CPQ: variants seen among roughly 807,000 people sequenced by gnomAD.
The protein encoded by CPQ is Ser-Met dipeptidase.
Under a neutral mutation model 45.7 loss-of-function variants are expected in CPQ, and 37 were observed. That is an observed-to-expected ratio of 0.81 (90% CI 0.62 to 1.07). The LOEUF (loss-of-function observed/expected upper bound fraction) is 1.07, where lower values mean the gene tolerates loss of function less well. CPQ is among the 50% of genes least tolerant of loss of function. The pLI is 0.00. For synonymous variants in CPQ, 186 were observed against 205.8 expected (o/e 0.90, Z 0.82); for missense variants, 537 against 572.9 (o/e 0.94, Z 0.64).
chr8:96,945,564 G>A (rs1563535392), intron 4 of CPQ, among the ~76,000 whole-genome samples: 1 of 151,994 alleles, frequency 6.6e-6, no homozygotes, highest in East Asian at 1.9e-4. Context: ...TGATTGAGCT[G>A]TTTTTTCTTT....
At chr8:97,064,425 A>AT in intron 6 of CPQ, among the ~76,000 whole-genome samples, 3 of 152,286 alleles carry the variant, frequency 2.0e-5, no homozygotes, top group Middle Eastern at 6.8e-3. Flanking sequence ...ATTAACTCTA[A>AT]TGATGCTACC....
intron 5 of CPQ, among the ~76,000 whole-genome samples, chr8:97,025,271 TCTC>T (rs1287104491): frequency 6.6e-6 from 1 of 152,162 alleles, no homozygotes; most frequent in Non-Finnish European, 1.5e-5. Flanking sequence ...TTATTATTAC[TCTC>T]CTCAATGAAA....
At chr8:96,857,517 CAAAATGA>C (rs953975336) in intron 3 of CPQ, among the ~76,000 whole-genome samples, 13 of 152,104 alleles carry the variant, frequency 8.5e-5, no homozygotes, top group African/African-American at 2.9e-4. Context: ...GGTCAGCTAT[CAAAATGA>C]AAAATGAAAA....
chr8:97,070,281 C>T (rs1394678470), intron 7 of CPQ, among the ~76,000 whole-genome samples: 1 of 152,108 alleles, frequency 6.6e-6, no homozygotes, highest in Admixed American at 6.6e-5. Flanking sequence ...TTCTAACGCG[C>T]TTCAAGTCTT....
intron 1 of CPQ, among the ~76,000 whole-genome samples, chr8:96,769,681 G>C (rs1810515326): frequency 6.7e-6 from 1 of 148,150 alleles, no homozygotes; most frequent in Admixed American, 6.8e-5. Flanking sequence ...GCCCATGGTG[G>C]AATGCAGTGG....
chr8:96,904,320 T>C (rs939111148), intron 4 of CPQ, among the ~76,000 whole-genome samples: 1 of 152,234 alleles, frequency 6.6e-6, no homozygotes, highest in Admixed American at 6.5e-5. Flanking sequence ...GATCCACAGA[T>C]AGAGAATACA....
chr8:97,124,286 A>AT (rs1337893329), intron 7 of CPQ, among the ~76,000 whole-genome samples: 1 of 151,826 alleles, frequency 6.6e-6, no homozygotes, highest in Non-Finnish European at 1.5e-5. Flanking sequence ...TGAAAACTAC[A>AT]TGAAGAAAAA....
intron 4 of CPQ, among the ~76,000 whole-genome samples, chr8:96,887,643 C>A (rs540415753): frequency 1.3e-5 from 2 of 152,228 alleles, no homozygotes; most frequent in East Asian, 3.9e-4. Flanking sequence ...TGGGGCTGGC[C>A]CATTTCTTTT....
At chr8:96,759,181 G>A (rs1047648954) in intron 1 of CPQ, among the ~76,000 whole-genome samples, 12 of 152,120 alleles carry the variant, frequency 7.9e-5, no homozygotes, top group Non-Finnish European at 4.4e-5. Context: ...GGCTCTGCAG[G>A]ATGGGTTTGT....
chr8:97,056,101 A>AACACACACACACAC (rs34266303), intron 6 of CPQ, among the ~76,000 whole-genome samples: 1 of 146,338 alleles, frequency 6.8e-6, no homozygotes. Flanking sequence ...CCTATCTCAA[A>AACACACACACACAC]ACACACACAC....
At chr8:96,757,176 C>T (rs1810336759) in intron 1 of CPQ, among the ~76,000 whole-genome samples, 1 of 151,792 alleles carries the variant, frequency 6.6e-6, no homozygotes, top group African/African-American at 2.4e-5. Flanking sequence ...GGTGAAACCC[C>T]GTCTGTGCTA....
intron 1 of CPQ, among the ~76,000 whole-genome samples, chr8:96,705,221 C>A (rs1809517339): frequency 6.6e-6 from 1 of 152,082 alleles, no homozygotes; most frequent in African/African-American, 2.4e-5. Context: ...ATTTAATTTA[C>A]CATATTTTAA....
chr8:96,911,632 C>A (rs1369265094), intron 4 of CPQ, among the ~76,000 whole-genome samples: 3 of 152,202 alleles, frequency 2.0e-5, no homozygotes, highest in African/African-American at 7.2e-5. Context: ...CCTGAGCCAT[C>A]AGGGCCCACT....
intron 7 of CPQ, among the ~76,000 whole-genome samples, chr8:97,093,313 G>T (rs1586537735): frequency 1.3e-5 from 2 of 152,136 alleles, no homozygotes; most frequent in African/African-American, 4.8e-5. Flanking sequence ...AGCAAATGCT[G>T]TGTGTATACT....
At chr8:96,955,060 A>C (rs957122110) in intron 4 of CPQ, among the ~76,000 whole-genome samples, 4 of 152,138 alleles carry the variant, frequency 2.6e-5, no homozygotes, top group African/African-American at 4.8e-5. Context: ...ATAAACATAC[A>C]TCTACATGTG....
intron 4 of CPQ, among the ~76,000 whole-genome samples, chr8:96,881,948 G>T (rs1390023490): frequency 6.6e-6 from 1 of 152,156 alleles, no homozygotes; most frequent in African/African-American, 2.4e-5. Flanking sequence ...TCTAGAAATG[G>T]AACTTAAAAA....
At chr8:96,853,343 C>T (rs956218540) in intron 3 of CPQ, among the ~76,000 whole-genome samples, 6 of 152,180 alleles carry the variant, frequency 3.9e-5, no homozygotes, top group Non-Finnish European at 5.9e-5. Flanking sequence ...ATTCTGAGAA[C>T]AGGAAGAGAA....
chr8:96,702,089 T>G (rs1809469309), intron 1 of CPQ, among the ~76,000 whole-genome samples: 1 of 152,208 alleles, frequency 6.6e-6, no homozygotes, highest in African/African-American at 2.4e-5. Flanking sequence ...GGTGCTTTGT[T>G]GTCATGGAAA....
chr8:96,869,246 C>T (rs1427824321), intron 3 of CPQ, among the ~76,000 whole-genome samples: 2 of 151,944 alleles, frequency 1.3e-5, no homozygotes, highest in Non-Finnish European at 2.9e-5. Context: ...TTCATTTAGA[C>T]CATTTGGAAG....
Sources: allele counts gnomAD v4.1 joint callset (sites outside exome capture counted in the v4.1 genomes callset), GRCh38; gene constraint gnomAD v4.1.1; transcripts MANE v1.5; gene names NCBI Gene and HGNC (gene_info 2026-07-23, HGNC 2026-07-21).